CMYA5: variants seen among roughly 807,000 people sequenced by gnomAD.
The protein encoded by CMYA5 is cardiomyopathy-associated protein 5.
A neutral mutation model predicts 318.9 loss-of-function variants in CMYA5; 246 were observed. The ratio of observed to expected loss-of-function variants is 0.77; its 90% CI spans 0.70 to 0.86. The LOEUF (loss-of-function observed/expected upper bound fraction) is 0.86. Among genes scored for constraint, CMYA5 ranks in the 40% least tolerant of loss-of-function variants. The probability of loss-of-function intolerance (pLI) is 0.00; values close to 1 mark genes in which losing one functional copy is unlikely to be tolerated. For synonymous variants in CMYA5, 1,641 were observed against 1,729.5 expected, an observed-to-expected ratio of 0.95 and a Z score of 1.27; for missense variants, 4,589 against 4,678.2, an observed-to-expected ratio of 0.98 and a Z score of 0.56.
chr5:79,800,161 G>C lies in CMYA5; in HGVS notation c.*545G>C, dbSNP rs890860083. The C allele has an allele frequency of 6.5e-5, 10 of 152,740 alleles. No individual in the cohort carries two copies. The highest frequency in any genetic ancestry group is 2.4e-4 in the African/African-American group (10 of 41,448). The allele number at this position is 152,740 out of a possible 1,614,324, so 9.5% of individuals were successfully genotyped here. On this transcript the variant is annotated 3_prime_UTR_variant, in exon 13 of 13. Transcript: ENST00000446378. ...GTCTCTCCTCCCTAAAATTTTAAAT[G>C]TAGAAAAGTGCTATATATTAGAAAT...
chr5:79,707,733 A>G (rs910221221), intron 1 of CMYA5, among the ~76,000 whole-genome samples: 1 of 152,226 alleles, frequency 6.6e-6, no homozygotes, highest in Non-Finnish European at 1.5e-5. Flanking sequence ...TGAACTAATG[A>G]TGACCTTCAA....
At chr5:79,762,095 C>A in intron 8 of CMYA5, 138 bp downstream of exon 8, 1 of 966,856 alleles carries the variant, frequency 1.0e-6, no homozygotes, top group Non-Finnish European at 1.4e-6. Context: ...ACAACGATGA[C>A]TTAAGCCTGG....
At chr5:79,699,618 A>G (rs1580744527) in intron 1 of CMYA5, among the ~76,000 whole-genome samples, 1 of 152,200 alleles carries the variant, frequency 6.6e-6, no homozygotes, top group South Asian at 2.1e-4. Flanking sequence ...ACTGGGTGAT[A>G]TAGTTGTGCC....
intron 10 of CMYA5, among the ~76,000 whole-genome samples, chr5:79,790,653 G>GT (rs1250581215): frequency 6.6e-6 from 1 of 152,216 alleles, no homozygotes; most frequent in African/African-American, 2.4e-5. Context: ...CTGCGGTGGG[G>GT]TCCGAGAGTC....
chr5:79,692,998 G>C (rs929865787), intron 1 of CMYA5, among the ~76,000 whole-genome samples: 3 of 152,116 alleles, frequency 2.0e-5, no homozygotes, highest in African/African-American at 7.2e-5. Context: ...ACAGAAAAAC[G>C]TAATTATGTC....
chr5:79,732,075 T>C lies in CMYA5; in HGVS notation c.3310T>C (p.Ser1104Pro), dbSNP rs757307215. The change falls in exon 2 of 13, where the codon TCT becomes CCT. Residue 1104 changes from serine to proline, a missense_variant. By Grantham distance (74) the Ser-to-Pro change is moderately conservative. Transcript: ENST00000446378. ...GATTCCAACAACCTCAACATCTGTA[T>C]CTGAATATCTCATTTTGGCACAGAA... is the stretch of plus-strand genomic sequence containing the variant. The part of the protein sequence containing the change: ...PEIPTTSTSV[S>P]EYLILAQKQK... 1.4e-5 allele frequency: 22 copies of C among 1,613,848 alleles called. No individual in the cohort carries two copies. The South Asian group carries it at 2.4e-4, about 18-fold the overall frequency.
rs201453396 is a variant in CMYA5, at chr5:79,771,362, A to G, written c.11555+8153A>G. 5.9e-5 allele frequency among the ~76,000 whole-genome samples: 9 copies of G among 152,322 alleles called. No homozygotes were observed. In the East Asian group the frequency reaches 1.5e-3, roughly 26 times the overall value. Reference sequence around the variant, plus strand: ...AAGAACCCTGTATCAGAAGTGCCAGAGTCCCAGAGTAATCTCTCCCACCAT... The same window carrying G: ...AAGAACCCTGTATCAGAAGTGCCAGGGTCCCAGAGTAATCTCTCCCACCAT... On this transcript the variant is annotated intron_variant, in intron 9 of 12. Transcript: ENST00000446378.
chr5:79,707,015 T>C (rs1827286806), intron 1 of CMYA5, among the ~76,000 whole-genome samples: 1 of 152,208 alleles, frequency 6.6e-6, no homozygotes, highest in African/African-American at 2.4e-5. Flanking sequence ...TGCTTCGTTT[T>C]AATTTTAAAT....
chr5:79,705,039 G>A (rs868437108), intron 1 of CMYA5, among the ~76,000 whole-genome samples: 5 of 151,606 alleles, frequency 3.3e-5, no homozygotes, highest in South Asian at 2.1e-4. Context: ...TTGGGAGGCC[G>A]AGGTAGGCAG....
intron 1 of CMYA5, among the ~76,000 whole-genome samples, chr5:79,705,374 C>T (rs1439815694): frequency 1.3e-5 from 2 of 151,754 alleles, no homozygotes; most frequent in African/African-American, 4.8e-5. Flanking sequence ...TGGAGTTATG[C>T]CCAACATGTC....
chr5:79,775,623 T>C lies in CMYA5; in HGVS notation c.11555+12414T>C, dbSNP rs144726844. 5.9e-4 allele frequency among the ~76,000 whole-genome samples: 90 copies of C among 152,338 alleles called. No individual in the cohort carries two copies. The East Asian group carries it at 0.015, about 26-fold the overall frequency. ...CACATTTCACTAAGAGAGACAATTA[T>C]ATTTCTTGACATTCAGCTCTAAGAT... On this transcript the variant is annotated intron_variant, in intron 9 of 12. Coordinates refer to ENST00000446378, the MANE Select transcript of CMYA5 (RefSeq NM_153610.5).
At chr5:79,791,538 T>C (rs969443785) in intron 11 of CMYA5, among the ~76,000 whole-genome samples, 4 of 151,898 alleles carry the variant, frequency 2.6e-5, no homozygotes, top group South Asian at 4.2e-4. Flanking sequence ...CTGGCCAACA[T>C]GGTGAGACTC....
chr5:79,714,021 A>AGCCCTAG (rs929382752), intron 1 of CMYA5, among the ~76,000 whole-genome samples: 4 of 152,192 alleles, frequency 2.6e-5, no homozygotes, highest in African/African-American at 9.7e-5. Flanking sequence ...GACTGTCCAA[A>AGCCCTAG]GCCCTAGGAA....
intron 9 of CMYA5, among the ~76,000 whole-genome samples, chr5:79,767,837 A>G (rs934986029): frequency 2.6e-5 from 4 of 152,180 alleles, no homozygotes; most frequent in African/African-American, 4.8e-5. Flanking sequence ...TCCAGAGCTG[A>G]GTTCAAGTCC....
At chr5:79,742,543 T>G (rs770426668) in intron 2 of CMYA5, among the ~76,000 whole-genome samples, 2 of 152,192 alleles carry the variant, frequency 1.3e-5, no homozygotes, top group Non-Finnish European at 2.9e-5. Context: ...TTGAGAATTT[T>G]CTAGCATCTT....
At chr5:79,705,948 G>A (rs191110136) in intron 1 of CMYA5, among the ~76,000 whole-genome samples, 35 of 152,264 alleles carry the variant, frequency 2.3e-4, no homozygotes, top group Admixed American at 8.5e-4. Flanking sequence ...GGACATGGAC[G>A]AGTGTCAGTT....
chr5:79,777,269 C>A (rs1828954993), intron 9 of CMYA5, among the ~76,000 whole-genome samples: 1 of 152,138 alleles, frequency 6.6e-6, no homozygotes, highest in African/African-American at 2.4e-5. Flanking sequence ...TTCTACCTAT[C>A]CTTTACCTAC....
chr5:79,768,857 G>A (rs896004484), intron 9 of CMYA5, among the ~76,000 whole-genome samples: 3 of 152,156 alleles, frequency 2.0e-5, no homozygotes, highest in African/African-American at 7.2e-5. Flanking sequence ...CTAGGTTGGG[G>A]AAGTTCTCCT....
chr5:79,785,511 A>G (rs1317377708), intron 9 of CMYA5, among the ~76,000 whole-genome samples: 7 of 151,944 alleles, frequency 4.6e-5, no homozygotes, highest in African/African-American at 9.7e-5. Flanking sequence ...TAGATCTTAT[A>G]TCTTTATATA....
Sources: gnomAD v4.1 joint callset for allele counts (sites outside exome capture counted in the v4.1 genomes callset) on GRCh38, gnomAD v4.1.1 for gene constraint, MANE v1.5 for transcripts, NCBI Gene and HGNC (gene_info 2026-07-23, HGNC 2026-07-21) for gene names.